The following EGF variants were observed in gnomAD, a reference collection of about 807,000 sequenced individuals.
EGF encodes the protein epidermal growth factor.
In EGF, 95 loss-of-function variants were observed where a neutral mutation model predicts 143.8. The observed-to-expected ratio is 0.66, with a 90% CI of 0.56 to 0.78. The LOEUF (loss-of-function observed/expected upper bound fraction) is 0.78. Among genes scored for constraint, EGF ranks in the 30% least tolerant of loss-of-function variants. The pLI, the probability that EGF is intolerant of heterozygous loss-of-function variation, is 0.00. For synonymous variants in EGF, 510 were observed against 510.5 expected, an observed-to-expected ratio of 1.00 and a Z score of 0.01; for missense variants, 1,320 against 1,470.9, an observed-to-expected ratio of 0.90 and a Z score of 1.68.
chr4:109,922,075 A>G (rs556386627), intron 1 of EGF, among the ~76,000 whole-genome samples: 1 of 151,662 alleles, frequency 6.6e-6, no homozygotes, highest in East Asian at 1.9e-4. Context: ...TTTTCAACAC[A>G]AAGGAAATTA....
intron 16 of EGF, among the ~76,000 whole-genome samples, chr4:109,985,024 C>T (rs1297526882): frequency 6.6e-6 from 1 of 152,074 alleles, no homozygotes; most frequent in African/African-American, 2.4e-5. Context: ...ATGTAGAGAA[C>T]CTTTGCAAAG....
chr4:109,968,875 C>T (rs1268449173), intron 10 of EGF, 96 bp from the exon 11 acceptor site: 2 of 1,555,632 alleles, frequency 1.3e-6, no homozygotes, highest in African/African-American at 2.7e-5. Flanking sequence ...AAGTCAAGCT[C>T]TTAACACCCT....
intron 19 of EGF, among the ~76,000 whole-genome samples, chr4:109,993,633 A>T (rs183924375): frequency 6.6e-6 from 1 of 152,298 alleles, no homozygotes; most frequent in African/African-American, 2.4e-5. Context: ...TCAACTGTGC[A>T]ACTAATCTCA....
At chr4:109,922,833 T>C (rs563178022) in intron 1 of EGF, among the ~76,000 whole-genome samples, 1 of 151,812 alleles carries the variant, frequency 6.6e-6, no homozygotes, top group South Asian at 2.1e-4. Flanking sequence ...ATGGATTAAT[T>C]CTTGTAAAAT....
chr4:109,964,901 G>A (rs1746301019), intron 10 of EGF, among the ~76,000 whole-genome samples: 1 of 152,148 alleles, frequency 6.6e-6, no homozygotes, highest in Admixed American at 6.6e-5. Flanking sequence ...AGTGAGAGGA[G>A]TGGGAGGTTG....
chr4:110,005,248 GT>G (rs1046419738), intron 22 of EGF, among the ~76,000 whole-genome samples: 1 of 151,500 alleles, frequency 6.6e-6, no homozygotes, highest in Non-Finnish European at 1.5e-5. Flanking sequence ...GTTTCACCAT[GT>G]TTCCCAGGCT....
At chr4:109,968,935 A>G in intron 10 of EGF, 36 bp from the exon 11 acceptor site, 1 of 1,610,006 alleles carries the variant, frequency 6.2e-7, no homozygotes, top group Non-Finnish European at 8.5e-7. Context: ...ATTAGTTTTA[A>G]AAAAAAATCA....
intron 23 of EGF, 113 bp downstream of exon 23, chr4:110,008,343 A>G (rs561228404): frequency 1.2e-5 from 16 of 1,299,656 alleles, no homozygotes; most frequent in Non-Finnish European, 1.6e-5. Flanking sequence ...AAATAACTAA[A>G]TTGTATAAGC....
intron 5 of EGF, 21 bp downstream of exon 5, chr4:109,945,296 C>T (rs755122917): frequency 3.9e-5 from 63 of 1,607,472 alleles, no homozygotes; most frequent in South Asian, 7.7e-5. Flanking sequence ...GTTGACCTTG[C>T]GCAGGGCCTG....
rs536802632 is a variant in EGF at position 109,970,805 on chromosome 4, G to A, written c.1724+1686G>A. On this transcript the variant is annotated intron_variant, in intron 11 of 23. Coordinates refer to ENST00000265171, the MANE Select transcript of EGF (RefSeq NM_001963.6). ...GCACCACTGCACTCCAGCCTGGGTG[G>A]CAGAGCGAGACTCCGTCTCAAAAAA... Among the ~76,000 whole-genome samples the A allele has an allele frequency of 3.2e-4, 42 of 131,228 alleles. No homozygotes were observed. In the South Asian group the frequency reaches 3.9e-3, roughly 12 times the overall value. The allele number at this position is 131,228 out of a possible 152,430, so 86.1% of individuals were successfully genotyped here.
chr4:109,981,107 A>G (rs1749295510), intron 15 of EGF, 132 bp downstream of exon 15: 2 of 1,386,508 alleles, frequency 1.4e-6, no homozygotes, highest in South Asian at 2.4e-5. Context: ...GAATGCTAAG[A>G]ATTTGTTTGT....
At chr4:110,003,271 T>A (rs1752811852) in intron 21 of EGF, among the ~76,000 whole-genome samples, 1 of 152,204 alleles carries the variant, frequency 6.6e-6, no homozygotes, top group Non-Finnish European at 1.5e-5. Context: ...AATAATTTCC[T>A]CTCTCTCCAA....
intron 13 of EGF, 139 bp from the exon 14 acceptor site, chr4:109,979,833 T>C: frequency 1.1e-6 from 1 of 929,526 alleles, no homozygotes; most frequent in Non-Finnish European, 1.6e-6. Context: ...TGTGAGTCGG[T>C]GGCTCACTCA....
At position 109,969,021 on chromosome 4, in the gene EGF, T is replaced by A. The variant is rs751392771; in HGVS notation, c.1626T>A (p.Asp542Glu). Residue 542 changes from aspartate (D) to glutamate (E), a missense_variant, in exon 11 of 24, where the codon GAT becomes GAA. Around this residue, in one of 5 missense-constraint regions of EGF, gnomAD observed 1,186 missense variants for 1,313.7 expected, o/e 0.90. Transcript: ENST00000265171. ...ALKWIERANM[D>E]GSQRERLIEE... is the part of the protein sequence containing the mutation. Reference sequence around the variant, plus strand: ...AGTGGATAGAGAGAGCTAATATGGATGGTTCCCAGCGAGAAAGGCTTATTG... The same window carrying A: ...AGTGGATAGAGAGAGCTAATATGGAAGGTTCCCAGCGAGAAAGGCTTATTG... 1 of 1,614,180 alleles carries A rather than the reference T, an allele frequency of 6.2e-7. No homozygotes were observed. The highest frequency in any genetic ancestry group is 2.2e-5 in the East Asian group (1 of 44,886).
At chr4:109,951,408 C>G (rs140042569) in intron 5 of EGF, among the ~76,000 whole-genome samples, 5 of 151,922 alleles carry the variant, frequency 3.3e-5, no homozygotes, top group Admixed American at 1.3e-4. Flanking sequence ...CTTTGGCACT[C>G]TATCTCCTAA....
intron 5 of EGF, among the ~76,000 whole-genome samples, chr4:109,955,827 A>G (rs892504109): frequency 9.2e-5 from 14 of 152,212 alleles, no homozygotes; most frequent in African/African-American, 3.1e-4. Context: ...ATAAATGTGA[A>G]TAGGGCACAT....
chr4:109,963,220 C>T lies in EGF; in HGVS notation c.1360C>T (p.Leu454Phe). 1.2e-6 allele frequency: 2 copies of T among 1,613,982 alleles called. No homozygotes were observed. The highest frequency in any genetic ancestry group is 1.1e-5 in the South Asian group (1 of 91,080). ...TGGATGTAGCCAGCTCTGCGTTCCT[C>T]TTAGCCCAGTATCCTGGGAATGTGA... ...NGGCSQLCVP[L>F]SPVSWECDCF... Residue 454 changes from leucine to phenylalanine, a missense_variant, in exon 9 of 24, where the codon CTT (leucine) becomes TTT (phenylalanine). Leu to Phe is a conservative substitution (Grantham distance 22). Transcript: ENST00000265171.
intron 5 of EGF, among the ~76,000 whole-genome samples, chr4:109,953,878 C>A (rs1260456117): frequency 6.6e-6 from 1 of 152,096 alleles, no homozygotes; most frequent in African/African-American, 2.4e-5. Context: ...GGCATATACA[C>A]CTTGTCTTTT....
intron 5 of EGF, among the ~76,000 whole-genome samples, chr4:109,948,925 G>A (rs959920946): frequency 9.9e-5 from 15 of 152,156 alleles, no homozygotes; most frequent in Admixed American, 6.5e-5. Context: ...CTACTTCAAT[G>A]AAGAAATAAC....
Sources: gnomAD v4.1 joint callset for allele counts (sites outside exome capture counted in the v4.1 genomes callset) on GRCh38, gnomAD v4.1.1 for gene constraint, gnomAD v4.1.1 regional missense constraint, MANE v1.5 for transcripts, NCBI Gene and HGNC (gene_info 2026-07-23, HGNC 2026-07-21) for gene names.